CCT5: variants seen among roughly 807,000 people sequenced by gnomAD.
CCT5 encodes chaperonin containing TCP1 subunit 5, also known as T-complex protein 1 subunit epsilon.
A neutral mutation model predicts 55.0 loss-of-function variants in CCT5; 6 were observed. The observed-to-expected ratio is 0.11, with a 90% confidence interval of 0.06 to 0.22. The LOEUF (loss-of-function observed/expected upper bound fraction) is 0.22. Among genes scored for constraint, CCT5 ranks in the 10% least tolerant of loss-of-function variants. CCT5 has a pLI of 1.00. For synonymous variants in CCT5, 231 were observed against 243.7 expected, an observed-to-expected ratio of 0.95 and a Z score of 0.49; for missense variants, 560 against 694.6, an observed-to-expected ratio of 0.81 and a Z score of 2.18.
chr5:10,257,121 A>G (rs1290845683), intron 4 of CCT5, among the ~76,000 whole-genome samples: 1 of 152,234 alleles, frequency 6.6e-6, no homozygotes, highest in African/African-American at 2.4e-5. Context: ...TTTAGCAAAA[A>G]GGAATGAGGG....
At chr5:10,254,653 C>T (rs751913580) in intron 2 of CCT5, 21 bp from the exon 3 acceptor site, 45 of 1,613,112 alleles carry the variant, frequency 2.8e-5, no homozygotes, top group Non-Finnish European at 3.8e-5. Context: ...TGCGCAAAGC[C>T]TACTAAACGT....
intron 4 of CCT5, 39 bp from the exon 5 acceptor site, chr5:10,258,072 G>A (rs757831877): frequency 1.3e-6 from 2 of 1,596,856 alleles, no homozygotes; most frequent in South Asian, 2.2e-5. Context: ...TGCAGTAATT[G>A]TGAAACCAAT....
At chr5:10,256,184 T>G (rs1214116207) in intron 4 of CCT5, 31 bp downstream of exon 4, 1 of 1,582,544 alleles carries the variant, frequency 6.3e-7, no homozygotes, top group Non-Finnish European at 8.6e-7. Flanking sequence ...TGATTACCCA[T>G]TTGTAGAGGA....
At chr5:10,263,736 C>T (rs1033997282) in intron 10 of CCT5, among the ~76,000 whole-genome samples, 1 of 152,176 alleles carries the variant, frequency 6.6e-6, no homozygotes, top group South Asian at 2.1e-4. Flanking sequence ...ACCTCTGTAG[C>T]CACTTGTGTA....
chr5:10,261,221 C>T (rs1277819133), intron 7 of CCT5: 1 of 491,986 alleles, frequency 2.0e-6, no homozygotes, highest in African/African-American at 1.9e-5. Flanking sequence ...GCAACGGTGC[C>T]TCGGTGGTTC....
intron 7 of CCT5, 161 bp downstream of exon 7, chr5:10,261,072 GT>G (rs775229781): frequency 2.5e-6 from 2 of 789,234 alleles, no homozygotes; most frequent in East Asian, 5.0e-5. Flanking sequence ...CTTTGTTACT[GT>G]TTGGATAACA....
At position 10,256,004 on chromosome 5, in the gene CCT5, C is replaced by T. The variant is rs1335067742; in HGVS notation, c.381C>T (p.Gly127=). Reference sequence around the variant, plus strand: ...AAGCGGAGCAATTGCTAGACCGAGGCATTCACCCAATCAGAATAGCCGATG... The same window carrying T: ...AAGCGGAGCAATTGCTAGACCGAGGTATTCACCCAATCAGAATAGCCGATG... ...LEEAEQLLDR[G]IHPIRIADGY... is the part of the protein sequence containing the mutation. Residue 127 remains glycine, a synonymous_variant, in exon 4 of 11, where the codon GGC becomes GGT. Coordinates refer to ENST00000280326, the MANE Select transcript of CCT5 (RefSeq NM_012073.5). 1 of 1,614,210 alleles carries T rather than the reference C, an allele frequency of 6.2e-7. No individual in the cohort carries two copies. Among genetic ancestry groups the T allele is most frequent in the South Asian group, 1.1e-5 (1 of 91,084 alleles).
intron 1 of CCT5, chr5:10,250,807 C>T (rs764507064): frequency 3.0e-5 from 34 of 1,134,224 alleles, no homozygotes; most frequent in Non-Finnish European, 3.3e-5. Context: ...GGGAGATGCT[C>T]TGTCACCTGT....
intron 1 of CCT5, 79 bp downstream of exon 1, chr5:10,250,524 G>A (rs1745326224): frequency 1.3e-6 from 2 of 1,579,858 alleles, no homozygotes; most frequent in Admixed American, 1.8e-5. Flanking sequence ...GCGAGTTGAG[G>A]AGCGGCTCTG....
At chr5:10,250,197 A>T (rs1421634480), upstream of CCT5, 2 of 1,547,920 alleles carry the variant, frequency 1.3e-6, no homozygotes, top group Non-Finnish European at 1.7e-6. Context: ...TCTGGCGTGA[A>T]ATTAGTCTCA....
chr5:10,264,598 G>A lies in CCT5; in HGVS notation c.1499-58G>A, dbSNP rs934552988. 4 of 1,123,322 alleles carry A rather than the reference G, an allele frequency of 3.6e-6. No homozygotes were observed. In the African/African-American group the frequency reaches 6.1e-5, roughly 17 times the overall value. 69.6% of individuals were successfully genotyped at this position (1,123,322 alleles called of 1,614,324 possible). On this transcript the variant is annotated intron_variant, in intron 10 of 10. Transcript: ENST00000280326. Reference sequence around the variant, plus strand: ...TGATTCCCTAAATCAGAAAGAGTTGGTTATTGATAGTTTATTGTATGCTAT... The same window carrying A: ...TGATTCCCTAAATCAGAAAGAGTTGATTATTGATAGTTTATTGTATGCTAT...
chr5:10,261,436 A>G, intron 7 of CCT5, 124 bp from the exon 8 acceptor site: 1 of 891,344 alleles, frequency 1.1e-6, no homozygotes, highest in Non-Finnish European at 1.9e-6. Flanking sequence ...GTCTCGGTCA[A>G]AGTGGGGCAG....
rs774789144 is a variant in CCT5, at chr5:10,254,661, C to T, written c.167-13C>T. On this transcript the variant is annotated splice_polypyrimidine_tract_variant and intron_variant, in intron 2 of 10. Transcript: ENST00000280326. ...AGTTTTTTGCGCAAAGCCTACTAAA[C>T]GTTGTTTTTTAGGGCTTGATAAGAT... The T allele has an allele frequency of 1.9e-5, 31 of 1,613,376 alleles. No individual in the cohort carries two copies. The highest frequency in any genetic ancestry group is 4.5e-5 in the East Asian group (2 of 44,882).
intron 2 of CCT5, 127 bp downstream of exon 2, chr5:10,254,332 T>G: frequency 2.8e-6 from 2 of 724,584 alleles, no homozygotes; most frequent in Non-Finnish European, 4.9e-6. Flanking sequence ...AGCCAAAATT[T>G]TTTAGTGTAT....
At chr5:10,261,450 TTC>T in intron 7 of CCT5, 108 bp from the exon 8 acceptor site, 1 of 994,118 alleles carries the variant, frequency 1.0e-6, no homozygotes. Flanking sequence ...GGGGCAGCAG[TTC>T]TAGTGAACAA....
In CCT5 at chr5:10,255,644, C is replaced by G. The variant is rs530094950; in HGVS notation, c.332-311C>G. Among the ~76,000 whole-genome samples the G allele has an allele frequency of 7.9e-5, 12 of 151,612 alleles. No individual in the cohort carries two copies. In the South Asian group the frequency reaches 2.5e-3, roughly 32 times the overall value. On this transcript the variant is annotated intron_variant, in intron 3 of 10. Transcript: ENST00000280326. Reference sequence around the variant, plus strand: ...CCAGGCTGAATTTCACTGAGTAGACCCTGGCCCAGGAAACATAATAGCTTT... The same window carrying G: ...CCAGGCTGAATTTCACTGAGTAGACGCTGGCCCAGGAAACATAATAGCTTT...
chr5:10,251,634 CA>C (rs1745423337), intron 1 of CCT5, among the ~76,000 whole-genome samples: 1 of 152,100 alleles, frequency 6.6e-6, no homozygotes, highest in Admixed American at 6.6e-5. Flanking sequence ...CCTCCTTTTC[CA>C]GGGGGAGGTG....
In CCT5 at chr5:10,258,403, G is replaced by A; in HGVS notation, c.741G>A (p.Lys247=). The part of the protein sequence containing the change: ...PQMPKKVEDA[K]IAILTCPFEP... ...CCCCATAGAAAGTGGAAGATGCGAA[G>A]ATTGCAATTCTCACATGTCCATTTG... Residue 247 remains lysine, a synonymous_variant, in exon 6 of 11, where the codon AAG becomes AAA. Coordinates refer to ENST00000280326, the MANE Select transcript of CCT5 (RefSeq NM_012073.5). The A allele has an allele frequency of 6.2e-7, 1 of 1,614,216 alleles. No individual in the cohort carries two copies. The highest frequency in any genetic ancestry group is 8.5e-7 in the Non-Finnish European group (1 of 1,180,038).
At chr5:10,256,215 T>A in intron 4 of CCT5, 62 bp downstream of exon 4, 1 of 1,387,998 alleles carries the variant, frequency 7.2e-7, no homozygotes, top group Non-Finnish European at 1.0e-6. Context: ...TTGCCATTTC[T>A]TAAAGGCAAC....
Sources: gnomAD v4.1 joint callset for allele counts (sites outside exome capture counted in the v4.1 genomes callset) on GRCh38, gnomAD v4.1.1 for gene constraint, MANE v1.5 for transcripts, NCBI Gene and HGNC (gene_info 2026-07-23, HGNC 2026-07-21) for gene names.